Variants in THEMIS observed in about 807,000 individuals in gnomAD.
THEMIS encodes the protein protein THEMIS.
Under a neutral mutation model 52.6 loss-of-function variants are expected in THEMIS, and 37 were observed. The ratio of observed to expected loss-of-function variants is 0.70; its 90% CI spans 0.54 to 0.93. The LOEUF (loss-of-function observed/expected upper bound fraction) is 0.93. Ranked by LOEUF, THEMIS falls within the 40% of genes least tolerant of loss-of-function variation. The probability of loss-of-function intolerance (pLI) is 0.00; values close to 1 mark genes in which losing one functional copy is unlikely to be tolerated. For missense variants in THEMIS, 808 were observed against 763.1 expected, an observed-to-expected ratio of 1.06 and a Z score of -0.69; for synonymous variants, 292 against 272.7, an observed-to-expected ratio of 1.07 and a Z score of -0.70.
At chr6:127,752,637 A>G (rs1469979793) in intron 4 of THEMIS, among the ~76,000 whole-genome samples, 4 of 151,672 alleles carry the variant, frequency 2.6e-5, no homozygotes, top group African/African-American at 7.3e-5. Context: ...AAGAAAATAG[A>G]AAACTTGAGC....
At chr6:127,696,686 G>A in the THEMIS span, among the ~76,000 whole-genome samples, 2 of 152,192 alleles carry the variant, frequency 1.3e-5, no homozygotes, top group Admixed American at 6.5e-5. Context: ...AGGAGTCTGA[G>A]ATCACAGTGT....
intron 1 of THEMIS, among the ~76,000 whole-genome samples, chr6:127,886,834 C>T (rs1313020956): frequency 6.6e-6 from 1 of 152,080 alleles, no homozygotes; most frequent in Non-Finnish European, 1.5e-5. Flanking sequence ...CCTTTGCTGA[C>T]TATCTTTTCT....
In THEMIS at chr6:127,909,505, T is replaced by G. The variant is rs1040325316; in HGVS notation, c.-149-8424A>C. ...GAAGAAGGACATGTTTGCTTTGCCTTCCACCATGATTGTAAGTTTCCTGAG... is the reference window on the plus strand; with the variant it reads ...GAAGAAGGACATGTTTGCTTTGCCTGCCACCATGATTGTAAGTTTCCTGAG... On this transcript the variant is annotated intron_variant, in intron 1 of 6. Transcript: ENST00000368250. Among the ~76,000 whole-genome samples, 4 of 152,174 alleles carry G rather than the reference T, an allele frequency of 2.6e-5. 1 individual carries two copies. Among genetic ancestry groups the G allele is most frequent in the Admixed American group, 2.0e-4 (3 of 15,260 alleles).
intron 4 of THEMIS, among the ~76,000 whole-genome samples, chr6:127,811,253 C>T (rs1374488118): frequency 1.3e-5 from 2 of 152,002 alleles, no homozygotes; most frequent in Non-Finnish European, 2.9e-5. Flanking sequence ...TTTTACAGTC[C>T]TATAGGTTAG....
At chr6:127,712,245 G>A (rs1237382950) in intron 5 of THEMIS, among the ~76,000 whole-genome samples, 4 of 151,666 alleles carry the variant, frequency 2.6e-5, no homozygotes, top group African/African-American at 4.8e-5. Flanking sequence ...TAAAAAACTG[G>A]GATTTAAACA....
intron 2 of THEMIS, among the ~76,000 whole-genome samples, chr6:127,831,469 T>G (rs1778696590): frequency 6.6e-6 from 1 of 152,126 alleles, no homozygotes; most frequent in African/African-American, 2.4e-5. Flanking sequence ...TTTTAAAAAC[T>G]TAGTAAAATT....
chr6:127,787,325 T>C (rs77819173), intron 4 of THEMIS, among the ~76,000 whole-genome samples: 2,402 of 152,112 alleles, frequency 0.016, 154 homozygotes, highest in East Asian at 0.16. Flanking sequence ...CTTCTTCCTT[T>C]AGCTGGAAAA....
chr6:127,843,478 G>A (rs1482206395), intron 2 of THEMIS, among the ~76,000 whole-genome samples: 4 of 152,056 alleles, frequency 2.6e-5, no homozygotes, highest in Non-Finnish European at 5.9e-5. Flanking sequence ...TAAAGGGTTA[G>A]CATGAAAAGA....
chr6:127,882,086 A>C (rs1196264386), intron 1 of THEMIS, among the ~76,000 whole-genome samples: 3 of 151,422 alleles, frequency 2.0e-5, no homozygotes, highest in Non-Finnish European at 4.4e-5. Flanking sequence ...AGCTAAAATT[A>C]CTATCTTTGC....
chr6:127,696,947 T>C, the THEMIS span, among the ~76,000 whole-genome samples: 1 of 152,076 alleles, frequency 6.6e-6, no homozygotes, highest in African/African-American at 2.4e-5. Context: ...TGTGAAGGCT[T>C]CAATATATGA....
intron 1 of THEMIS, among the ~76,000 whole-genome samples, chr6:127,906,919 A>G (rs1387534691): frequency 6.6e-6 from 1 of 151,732 alleles, no homozygotes; most frequent in Non-Finnish European, 1.5e-5. Context: ...CTGCTTTCCT[A>G]AAAAGTAAGT....
At position 127,817,693 on chromosome 6, in the gene THEMIS, G is replaced by GACAGGT. The variant is rs1285058431; in HGVS notation, c.710-3768_710-3763dup. ...GGGCAAACCACCACCCCAAAAACTA[G>GACAGGT]ACAGGTAGGCAAATACAAACAGTCA... On this transcript the variant is annotated intron_variant, in intron 3 of 5. Coordinates refer to ENST00000368248, the MANE Select transcript of THEMIS (RefSeq NM_001010923.3). Among the ~76,000 whole-genome samples the GACAGGT allele has an allele frequency of 1.6e-4, 25 of 152,218 alleles. No individual in the cohort carries two copies. The East Asian group carries it at 3.7e-3, about 22-fold the overall frequency.
At chr6:127,707,092 G>C (rs1486425317), downstream of THEMIS, among the ~76,000 whole-genome samples, 2 of 152,026 alleles carry the variant, frequency 1.3e-5, no homozygotes, top group South Asian at 4.1e-4. Context: ...AGTGGAAAAA[G>C]CCTTTATAAA....
intron 4 of THEMIS, among the ~76,000 whole-genome samples, chr6:127,768,112 C>T (rs1182104978): frequency 2.6e-5 from 4 of 152,138 alleles, no homozygotes; most frequent in South Asian, 4.1e-4. Flanking sequence ...CTGAACTATA[C>T]ACCCACATGC....
chr6:127,891,735 G>C (rs1344887474), intron 1 of THEMIS, among the ~76,000 whole-genome samples: 5 of 151,972 alleles, frequency 3.3e-5, no homozygotes, highest in Non-Finnish European at 5.9e-5. Context: ...AATAGCCAGT[G>C]ATCTTCCTCA....
chr6:127,895,021 A>G (rs1780922490), intron 1 of THEMIS, among the ~76,000 whole-genome samples: 1 of 149,396 alleles, frequency 6.7e-6, no homozygotes, highest in African/African-American at 2.4e-5. Context: ...TATATAATAC[A>G]TATATTTATA....
intron 2 of THEMIS, among the ~76,000 whole-genome samples, chr6:127,835,884 T>G (rs941269884): frequency 4.6e-5 from 7 of 152,146 alleles, no homozygotes; most frequent in African/African-American, 1.7e-4. Context: ...TCCGACCCCA[T>G]GCTTTGATAA....
intron 4 of THEMIS, among the ~76,000 whole-genome samples, chr6:127,772,314 T>G (rs1304751166): frequency 1.3e-5 from 2 of 152,098 alleles, no homozygotes; most frequent in Admixed American, 1.3e-4. Context: ...AATATTTTTT[T>G]CATTTTTGCC....
At chr6:127,718,255 A>C (rs1774239099) in intron 5 of THEMIS, among the ~76,000 whole-genome samples, 1 of 151,936 alleles carries the variant, frequency 6.6e-6, no homozygotes, top group Admixed American at 6.6e-5. Context: ...TTTCTAAATA[A>C]ATGCATGTTA....
Sources: allele counts gnomAD v4.1 joint callset (sites outside exome capture counted in the v4.1 genomes callset), GRCh38; gene constraint gnomAD v4.1.1; transcripts MANE v1.5; gene names NCBI Gene and HGNC (gene_info 2026-07-23, HGNC 2026-07-21).